L2HGDH: variants seen among roughly 807,000 people sequenced by gnomAD.
L2HGDH encodes the protein L-2-hydroxyglutarate dehydrogenase, mitochondrial.
L2HGDH carries 34 observed loss-of-function variants against 51.5 expected under a neutral mutation model. The ratio of observed to expected loss-of-function variants is 0.66; its 90% CI spans 0.50 to 0.88. The LOEUF (loss-of-function observed/expected upper bound fraction) is 0.88, where lower values mean the gene tolerates loss of function less well. L2HGDH is among the 40% of genes least tolerant of loss of function. L2HGDH has a pLI of 0.00. For synonymous variants in L2HGDH, 198 were observed against 197.9 expected (o/e 1.00, Z -0.01); for missense variants, 558 against 571.9 (o/e 0.98, Z 0.25).
At chr14:50,296,586 C>T (rs2030070444) in intron 3 of L2HGDH, among the ~76,000 whole-genome samples, 1 of 142,588 alleles carries the variant, frequency 7.0e-6, no homozygotes, top group South Asian at 2.1e-4. Flanking sequence ...TTGAAAACTT[C>T]CCACATTAAA....
chr14:50,303,256 T>A (rs1457881657), intron 1 of L2HGDH, among the ~76,000 whole-genome samples: 1 of 151,902 alleles, frequency 6.6e-6, no homozygotes, highest in Non-Finnish European at 1.5e-5. Flanking sequence ...ACCCCGTCTC[T>A]ACTAAAAATA....
At chr14:50,294,339 T>C in intron 3 of L2HGDH, 93 bp from the exon 4 acceptor site, 2 of 1,311,982 alleles carry the variant, frequency 1.5e-6, no homozygotes, top group Non-Finnish European at 2.2e-6. Flanking sequence ...AACTATTGTA[T>C]GACCCAAAGG....
intron 4 of L2HGDH, among the ~76,000 whole-genome samples, chr14:50,284,396 C>CT (rs1177322994): frequency 3.3e-5 from 5 of 152,316 alleles, no homozygotes; most frequent in African/African-American, 1.2e-4. Flanking sequence ...CAGACCCTAT[C>CT]TTTGAGACTA....
chr14:50,290,332 A>G (rs889127579), intron 4 of L2HGDH, among the ~76,000 whole-genome samples: 6 of 152,228 alleles, frequency 3.9e-5, no homozygotes, highest in Non-Finnish European at 5.9e-5. Flanking sequence ...TTGGAATCAG[A>G]TAATTCAAAA....
intron 9 of L2HGDH, among the ~76,000 whole-genome samples, chr14:50,259,269 A>AC (rs1342202481): frequency 1.3e-5 from 2 of 149,094 alleles, no homozygotes; most frequent in Non-Finnish European, 3.0e-5. Context: ...GAGCCACAAC[A>AC]CCCCCACTGA....
chr14:50,278,145 A>T (rs1890072511), intron 6 of L2HGDH, among the ~76,000 whole-genome samples: 2 of 152,236 alleles, frequency 1.3e-5, no homozygotes, highest in African/African-American at 4.8e-5. Flanking sequence ...GTCCATGTGA[A>T]GATGAATAAA....
intron 6 of L2HGDH, among the ~76,000 whole-genome samples, chr14:50,270,072 C>G (rs1486581892): frequency 2.0e-5 from 3 of 152,162 alleles, no homozygotes; most frequent in Non-Finnish European, 4.4e-5. Flanking sequence ...ACCTACCCAC[C>G]AAGCAATTTC....
rs186552080 is a variant in L2HGDH at position 50,283,818 on chromosome 14, C to T, written c.703+53G>A. Reference sequence around the variant, plus strand: ...TTGGTTAAAACCACAGATGCAAAACCCATGGATATGGAGGGCTGACTATAT... The same window carrying T: ...TTGGTTAAAACCACAGATGCAAAACTCATGGATATGGAGGGCTGACTATAT... On this transcript the variant is annotated intron_variant, in intron 5 of 9. Transcript: ENST00000267436. 592 of 1,535,830 alleles carry T rather than the reference C, an allele frequency of 3.9e-4. 1 individual carries two copies. The Admixed American group carries it at 9.8e-3, about 26-fold the overall frequency.
intron 1 of L2HGDH, among the ~76,000 whole-genome samples, chr14:50,304,168 A>G (rs1345680812): frequency 6.6e-6 from 1 of 152,232 alleles, no homozygotes; most frequent in East Asian, 1.9e-4. Flanking sequence ...CTGTAACACA[A>G]TGGTAAGTAT....
At chr14:50,249,650 G>A (rs1489143386) in intron 9 of L2HGDH, among the ~76,000 whole-genome samples, 3 of 152,142 alleles carry the variant, frequency 2.0e-5, no homozygotes, top group Non-Finnish European at 4.4e-5. Context: ...AACCAGCAGC[G>A]ATACCCAAGG....
At chr14:50,260,032 A>G (rs1888928867) in intron 9 of L2HGDH, among the ~76,000 whole-genome samples, 1 of 151,850 alleles carries the variant, frequency 6.6e-6, no homozygotes. Flanking sequence ...GCAGGATCCA[A>G]AAATGTCTGG....
chr14:50,282,353 G>C (rs1033155124), intron 5 of L2HGDH: 2 of 427,904 alleles, frequency 4.7e-6, no homozygotes, highest in Non-Finnish European at 9.4e-6. Context: ...TCCTAGTCCA[G>C]CCTCTTAGCT....
intron 9 of L2HGDH, among the ~76,000 whole-genome samples, chr14:50,257,598 T>C (rs1888745970): frequency 6.6e-6 from 1 of 152,090 alleles, no homozygotes; most frequent in Admixed American, 6.6e-5. Context: ...CTTGAACTCC[T>C]GGACCCAAAC....
At chr14:50,273,141 T>G (rs1889793682) in intron 6 of L2HGDH, among the ~76,000 whole-genome samples, 1 of 150,838 alleles carries the variant, frequency 6.6e-6, no homozygotes, top group Admixed American at 6.6e-5. Flanking sequence ...GGAAAGGACC[T>G]CTGGAGAAAG....
At chr14:50,293,326 T>C (rs1595131882) in intron 4 of L2HGDH, 3 of 696,118 alleles carry the variant, frequency 4.3e-6, no homozygotes, top group South Asian at 1.5e-5. Context: ...ACTTATACCA[T>C]ATATAAAAAT....
intron 9 of L2HGDH, among the ~76,000 whole-genome samples, chr14:50,248,064 T>C (rs957945538): frequency 4.6e-5 from 7 of 152,110 alleles, no homozygotes. Context: ...CCTCCCAAAA[T>C]GATGGGATTA....
intron 4 of L2HGDH, among the ~76,000 whole-genome samples, chr14:50,292,092 G>A (rs1434269899): frequency 6.7e-6 from 1 of 150,028 alleles, no homozygotes. Context: ...ATTCTTTGTA[G>A]ATAATAAATA....
chr14:50,247,674 G>T (rs1052153628), intron 9 of L2HGDH, among the ~76,000 whole-genome samples: 3 of 152,184 alleles, frequency 2.0e-5, no homozygotes, highest in Non-Finnish European at 2.9e-5. Context: ...CAGAGGTTAT[G>T]TGTCAGTTGC....
At chr14:50,300,264 T>C (rs1277908836) in intron 3 of L2HGDH, among the ~76,000 whole-genome samples, 1 of 152,124 alleles carries the variant, frequency 6.6e-6, no homozygotes, top group Non-Finnish European at 1.5e-5. Context: ...AGGTAATGCA[T>C]ATGTTGGTGA....
Sources: allele counts gnomAD v4.1 joint callset (sites outside exome capture counted in the v4.1 genomes callset), GRCh38; gene constraint gnomAD v4.1.1; transcripts MANE v1.5; gene names NCBI Gene and HGNC (gene_info 2026-07-23, HGNC 2026-07-21).